Variants in UBR2 observed in about 807,000 individuals in gnomAD.
UBR2 encodes the protein E3 ubiquitin-protein ligase UBR2.
UBR2 carries 92 observed loss-of-function variants against 247.9 expected under a neutral mutation model. That is an observed-to-expected ratio of 0.37 (90% CI 0.31 to 0.44). The LOEUF (loss-of-function observed/expected upper bound fraction) is 0.44, where lower values mean the gene tolerates loss of function less well. Among genes scored for constraint, UBR2 ranks in the 20% least tolerant of loss-of-function variants. The pLI is 1.00. For synonymous variants in UBR2, 672 were observed against 693.5 expected, an observed-to-expected ratio of 0.97 and a Z score of 0.49; for missense variants, 1,613 against 2,112.6, an observed-to-expected ratio of 0.76 and a Z score of 4.64.
chr6:42,575,609 T>C (rs1791455151), intron 2 of UBR2, among the ~76,000 whole-genome samples: 1 of 152,220 alleles, frequency 6.6e-6, no homozygotes, highest in Non-Finnish European at 1.5e-5. Flanking sequence ...ATTTTGTCAA[T>C]GTCCCCTCAA....
At chr6:42,684,947 T>G in intron 44 of UBR2, 76 bp downstream of exon 44, 2 of 1,208,094 alleles carry the variant, frequency 1.7e-6, no homozygotes, top group Non-Finnish European at 2.4e-6. Context: ...AGGATTTTGT[T>G]GTTGTTCTTT....
At chr6:42,595,090 A>G (rs562678796) in intron 4 of UBR2, among the ~76,000 whole-genome samples, 1 of 152,338 alleles carries the variant, frequency 6.6e-6, no homozygotes, top group South Asian at 2.1e-4. Flanking sequence ...CATATATACA[A>G]TGTGTAATGA....
chr6:42,642,222 G>A (rs1796490472), intron 17 of UBR2, among the ~76,000 whole-genome samples, 194 bp from the exon 18 acceptor site: 1 of 152,146 alleles, frequency 6.6e-6, no homozygotes, highest in South Asian at 2.1e-4. Flanking sequence ...GCTGCAAAAT[G>A]TGAACCATAT....
At chr6:42,688,064 A>G in intron 44 of UBR2, 152 bp from the exon 45 acceptor site, 1 of 788,604 alleles carries the variant, frequency 1.3e-6, no homozygotes. Flanking sequence ...TTCCTATTCC[A>G]GATTCTAGGA....
chr6:42,594,375 G>A (rs1792842643), intron 4 of UBR2, 71 bp downstream of exon 4: 1 of 1,198,362 alleles, frequency 8.3e-7, no homozygotes, highest in Admixed American at 2.0e-5. Context: ...ATTAGATGAT[G>A]TGAGAAATGG....
chr6:42,658,451 C>A, intron 28 of UBR2, 131 bp downstream of exon 28: 1 of 1,110,908 alleles, frequency 9.0e-7, no homozygotes, highest in Non-Finnish European at 1.3e-6. Context: ...CACTATTTAT[C>A]TCTATTTGTT....
chr6:42,644,152 C>T, intron 18 of UBR2, 62 bp from the exon 19 acceptor site: 5 of 1,521,872 alleles, frequency 3.3e-6, no homozygotes, highest in Non-Finnish European at 4.4e-6. Flanking sequence ...CTAATTGTTT[C>T]AATAGTGGCC....
intron 11 of UBR2, among the ~76,000 whole-genome samples, chr6:42,629,744 T>C (rs982680139): frequency 6.6e-6 from 1 of 152,194 alleles, no homozygotes; most frequent in African/African-American, 2.4e-5. Flanking sequence ...TGGTATTTAA[T>C]GTTGAAAATT....
At chr6:42,600,344 CAA>C (rs55679749) in intron 4 of UBR2, among the ~76,000 whole-genome samples, 66,211 of 151,596 alleles carry the variant, frequency 0.44, 14,452 homozygotes, top group African/African-American at 0.48. Context: ...TAAATATAAT[CAA>C]AGAGCTAAAA....
chr6:42,587,812 G>A (rs578122649), intron 2 of UBR2, among the ~76,000 whole-genome samples: 23 of 152,074 alleles, frequency 1.5e-4, no homozygotes, highest in Admixed American at 1.4e-3. Flanking sequence ...ATTGTCTATG[G>A]CCATACCACC....
chr6:42,592,206 A>G lies in UBR2; in HGVS notation c.394A>G (p.Ile132Val). The G allele has an allele frequency of 6.3e-7, 1 of 1,597,170 alleles. No individual in the cohort carries two copies. Residue 132 changes from isoleucine (I) to valine (V), a missense_variant, in exon 3 of 47, where the codon ATT (isoleucine) becomes GTT (valine). Ile to Val is a conservative substitution (Grantham distance 29). Around this residue, in one of 3 missense-constraint regions of UBR2, gnomAD observed 1,524 missense variants for 1,967.3 expected, o/e 0.77. Transcript: ENST00000372901. ...VLCMECFLGS[I>V]HRDHRYRMTT... ...GTGCATGGAGTGCTTTTTGGGAAGT[A>G]TTCACAGAGATCATCGATATAGGGT...
chr6:42,632,485 C>CA, intron 11 of UBR2, 67 bp from the exon 12 acceptor site: 1 of 1,356,754 alleles, frequency 7.4e-7, no homozygotes. Flanking sequence ...ATGTTGGTGA[C>CA]TTTTTTTTTA....
chr6:42,689,301 C>G lies in UBR2; in HGVS notation c.5025-268C>G, dbSNP rs781249663. Among the ~76,000 whole-genome samples, 2 of 152,096 alleles carry G rather than the reference C, an allele frequency of 1.3e-5. No individual in the cohort carries two copies. The highest frequency in any genetic ancestry group is 2.4e-5 in the African/African-American group (1 of 41,394). Reference sequence around the variant, plus strand: ...CATCCCCCCAGTACCTTGATAATTTCTTATACGTATTAGGTCCTCAATAAA... The same window carrying G: ...CATCCCCCCAGTACCTTGATAATTTGTTATACGTATTAGGTCCTCAATAAA... On this transcript the variant is annotated intron_variant, in intron 45 of 46. Transcript: ENST00000372901. This position sits in a 1 kb window ranked among gnomAD's most constrained non-coding sequence, Gnocchi z 4.0.
intron 32 of UBR2, among the ~76,000 whole-genome samples, chr6:42,664,457 C>A (rs147953258): frequency 1.3e-5 from 2 of 152,184 alleles, no homozygotes; most frequent in African/African-American, 2.4e-5. Flanking sequence ...ATGCTATCTA[C>A]GTTGCATGCA....
chr6:42,633,163 T>TTTGTTGTTGTTGTTGTTG (rs78126394), intron 13 of UBR2, among the ~76,000 whole-genome samples: 1 of 149,626 alleles, frequency 6.7e-6, no homozygotes, highest in Admixed American at 6.7e-5. Flanking sequence ...GCCCAGCTTC[T>TTTGTTGTTGTTGTTGTTG]TTGTTGTTGT....
intron 7 of UBR2, among the ~76,000 whole-genome samples, chr6:42,609,589 T>G (rs1314539576): frequency 6.6e-6 from 1 of 151,808 alleles, no homozygotes; most frequent in Non-Finnish European, 1.5e-5. Context: ...GTAAATACAT[T>G]CTTAAAAAGT....
intron 11 of UBR2, chr6:42,619,758 C>A: frequency 5.7e-6 from 1 of 173,960 alleles, no homozygotes; most frequent in Non-Finnish European, 1.1e-5. Context: ...TGCTCTGTCA[C>A]TCAGGCTGGA....
At chr6:42,622,488 G>A (rs1482685957) in intron 11 of UBR2, among the ~76,000 whole-genome samples, 3 of 149,988 alleles carry the variant, frequency 2.0e-5, no homozygotes, top group Non-Finnish European at 3.0e-5. Flanking sequence ...TGCAGCCTCC[G>A]CCTCCTAGGT....
intron 15 of UBR2, among the ~76,000 whole-genome samples, chr6:42,637,934 G>C (rs1796206613): frequency 6.6e-6 from 1 of 152,204 alleles, no homozygotes; most frequent in South Asian, 2.1e-4. Flanking sequence ...TCAGAGAACA[G>C]AAAGAAATTT....
Sources: allele counts gnomAD v4.1 joint callset (sites outside exome capture counted in the v4.1 genomes callset), GRCh38; gene constraint gnomAD v4.1.1; regional missense constraint gnomAD v4.1.1; non-coding constraint Gnocchi (gnomAD v3.1); transcripts MANE v1.5; gene names NCBI Gene and HGNC (gene_info 2026-07-23, HGNC 2026-07-21).